Variants in NXNL2 observed in about 807,000 individuals in gnomAD.
NXNL2 encodes nucleoredoxin like 2.
In NXNL2, 7 loss-of-function variants were observed where a neutral mutation model predicts 11.1. The observed-to-expected ratio is 0.63, with a 90% CI of 0.36 to 1.18. The LOEUF (loss-of-function observed/expected upper bound fraction) is 1.18, where lower values mean the gene tolerates loss of function less well. Among genes scored for constraint, NXNL2 ranks in the 50% most tolerant of loss-of-function variants. The pLI, the probability that NXNL2 is intolerant of heterozygous loss-of-function variation, is 0.02. For synonymous variants in NXNL2, 109 were observed against 101.8 expected, an observed-to-expected ratio of 1.07 and a Z score of -0.42; for missense variants, 233 against 217.7, an observed-to-expected ratio of 1.07 and a Z score of -0.44.
intron 1 of NXNL2, among the ~76,000 whole-genome samples, chr9:88,557,860 G>A (rs1458970837): frequency 1.3e-5 from 2 of 152,180 alleles, no homozygotes; most frequent in South Asian, 2.1e-4. Context: ...GTTGGAATGA[G>A]GGGCCTTTGC....
At chr9:88,581,572 G>A (rs28512375) in intron 1 of NXNL2, among the ~76,000 whole-genome samples, 7,028 of 152,148 alleles carry the variant, frequency 0.046, 539 homozygotes, top group African/African-American at 0.15. Context: ...TCAGCCTCCC[G>A]AGTAGCTGCA....
intron 1 of NXNL2, among the ~76,000 whole-genome samples, chr9:88,536,378 C>T (rs1829618936): frequency 6.6e-6 from 1 of 152,112 alleles, no homozygotes; most frequent in Non-Finnish European, 1.5e-5. Flanking sequence ...AAACTCATTA[C>T]TATAAACTTT....
intron 2 of NXNL2, among the ~76,000 whole-genome samples, chr9:88,572,146 G>C (rs529461021): frequency 6.6e-6 from 1 of 151,544 alleles, no homozygotes; most frequent in Non-Finnish European, 1.5e-5. Flanking sequence ...CTGACCCCAA[G>C]TTCCGTTATA....
intron 1 of NXNL2, among the ~76,000 whole-genome samples, chr9:88,550,733 C>T (rs961600087): frequency 6.6e-6 from 1 of 152,186 alleles, no homozygotes; most frequent in Admixed American, 6.5e-5. Flanking sequence ...GAATAGAGAA[C>T]AGTGGTCACA....
At chr9:88,555,260 G>A (rs115579357) in intron 1 of NXNL2, among the ~76,000 whole-genome samples, 1,566 of 152,306 alleles carry the variant, frequency 0.01, 26 homozygotes, top group African/African-American at 0.036. Flanking sequence ...TATTTTTATG[G>A]TTGTTGCTTG....
chr9:88,547,131 C>T (rs1269882644), downstream of NXNL2, among the ~76,000 whole-genome samples: 1 of 152,180 alleles, frequency 6.6e-6, no homozygotes, highest in African/African-American at 2.4e-5. Flanking sequence ...CCTGGTGAGC[C>T]CCGTGGGCGC....
chr9:88,576,940 G>A (rs1390813077), downstream of NXNL2, among the ~76,000 whole-genome samples: 1 of 143,376 alleles, frequency 7.0e-6, no homozygotes, highest in African/African-American at 2.6e-5. Flanking sequence ...CCCAACTGGG[G>A]TGAGCCACCA....
rs146860574 is a variant in NXNL2 at position 88,536,026 on chromosome 9, A to G, written c.302+290A>G. Among the ~76,000 whole-genome samples, 615 of 152,188 alleles carry G rather than the reference A, an allele frequency of 4.0e-3. 4 individuals are homozygous for G. The highest frequency in any genetic ancestry group is 0.014 in the African/African-American group (570 of 41,546). ...CTGCCTGGGGTCTGGAGCTCCGGGA[A>G]TCTGCATTGCGAAGGAGCTCCCAGT... On this transcript the variant is annotated intron_variant, in intron 1 of 1. Coordinates refer to ENST00000375854, the MANE Select transcript of NXNL2 (RefSeq NM_001161625.2).
chr9:88,562,187 A>C (rs1009185337), intron 1 of NXNL2, among the ~76,000 whole-genome samples: 1 of 152,232 alleles, frequency 6.6e-6, no homozygotes, highest in Non-Finnish European at 1.5e-5. Context: ...CACAGAGTAC[A>C]TACTGTATGT....
chr9:88,548,228 A>G (rs1829871872), downstream of NXNL2, among the ~76,000 whole-genome samples: 1 of 148,066 alleles, frequency 6.8e-6, no homozygotes, highest in Non-Finnish European at 1.5e-5. Flanking sequence ...AATCCCAGCT[A>G]CTCAGGAGGC....
At chr9:88,546,600 A>G (rs1829849330), downstream of NXNL2, among the ~76,000 whole-genome samples, 1 of 151,476 alleles carries the variant, frequency 6.6e-6, no homozygotes, top group Non-Finnish European at 1.5e-5. Context: ...TTTTTAGTTG[A>G]AATGGGGTTT....
intron 1 of NXNL2, among the ~76,000 whole-genome samples, chr9:88,556,518 T>G (rs1470801695): frequency 1.3e-5 from 2 of 152,052 alleles, no homozygotes; most frequent in Non-Finnish European, 2.9e-5. Context: ...GGGCTCAGAA[T>G]GGGGGAGTGT....
chr9:88,577,037 G>GA (rs1830355824), downstream of NXNL2, among the ~76,000 whole-genome samples: 1 of 152,168 alleles, frequency 6.6e-6, no homozygotes, highest in Non-Finnish European at 1.5e-5. Context: ...GGTAGAGGGT[G>GA]AGGGAGGGTC....
intron 1 of NXNL2, among the ~76,000 whole-genome samples, chr9:88,559,508 C>A (rs1440764399): frequency 6.6e-6 from 1 of 152,196 alleles, no homozygotes; most frequent in Non-Finnish European, 1.5e-5. Flanking sequence ...TTGCAAAGGG[C>A]TTCCTCGCTA....
At chr9:88,540,802 A>G (rs910506687) in intron 1 of NXNL2, among the ~76,000 whole-genome samples, 23 of 146,524 alleles carry the variant, frequency 1.6e-4, no homozygotes, top group African/African-American at 5.2e-4. Flanking sequence ...ATGCAGCCCC[A>G]GAAAGGCCAC....
intron 1 of NXNL2, among the ~76,000 whole-genome samples, chr9:88,560,292 T>A (rs1830070153): frequency 6.6e-6 from 1 of 151,600 alleles, no homozygotes; most frequent in South Asian, 2.1e-4. Context: ...TTCTGCTTGT[T>A]GGAACTCCTA....
At chr9:88,553,092 G>A (rs887675652) in intron 1 of NXNL2, among the ~76,000 whole-genome samples, 4 of 152,094 alleles carry the variant, frequency 2.6e-5, no homozygotes, top group Non-Finnish European at 1.5e-5. Context: ...AGTGAATGCC[G>A]TAATAATTGC....
rs370174841 is a variant in NXNL2, at chr9:88,543,270, C to CT, written c.303-1094dup. ...GTATTTAGAACTCATGGAATTTTAA[C>CT]TTTTTTTTTTTTTTTCCTTAGAAAT... On this transcript the variant is annotated intron_variant, in intron 1 of 1. Transcript: ENST00000375854. 5.7e-3 allele frequency among the ~76,000 whole-genome samples: 815 copies of CT among 143,008 alleles called. 3 individuals are homozygous for CT. The highest frequency in any genetic ancestry group is 0.019 in the South Asian group (83 of 4,442). The allele number at this position is 143,008 out of a possible 152,430, so 93.8% of individuals were successfully genotyped here. A position where few individuals can be genotyped will look rare whatever the true frequency, so the allele number is the denominator to read the frequency against.
At chr9:88,570,111 AT>A (rs1341224539) in intron 1 of NXNL2, among the ~76,000 whole-genome samples, 2 of 150,792 alleles carry the variant, frequency 1.3e-5, no homozygotes, top group African/African-American at 4.9e-5. Context: ...TAATTAATTA[AT>A]TTTTTTATTT....
Sources: allele counts gnomAD v4.1 joint callset (sites outside exome capture counted in the v4.1 genomes callset), GRCh38; gene constraint gnomAD v4.1.1; transcripts MANE v1.5; gene names NCBI Gene and HGNC (gene_info 2026-07-23, HGNC 2026-07-21).